The following STK39 variants were observed in gnomAD, a reference collection of about 807,000 sequenced individuals.
STK39 encodes the protein STE20/SPS1-related proline-alanine-rich protein kinase.
A neutral mutation model predicts 77.8 loss-of-function variants in STK39; 20 were observed. The ratio of observed to expected loss-of-function variants is 0.26; its 90% CI spans 0.18 to 0.37. STK39 has a LOEUF of 0.37. Among genes scored for constraint, STK39 ranks in the 10% least tolerant of loss-of-function variants. STK39 has a pLI of 1.00. For missense variants in STK39, 479 were observed against 656.5 expected, an observed-to-expected ratio of 0.73 and a Z score of 2.95; for synonymous variants, 246 against 234.1, an observed-to-expected ratio of 1.05 and a Z score of -0.47.
intron 14 of STK39, among the ~76,000 whole-genome samples, chr2:168,040,410 C>T (rs774002300): frequency 3.9e-5 from 6 of 152,306 alleles, no homozygotes; most frequent in African/African-American, 1.2e-4. Flanking sequence ...TTAGGTAGCT[C>T]TTGCCCTGAG....
At chr2:168,023,769 G>A (rs2105329516) in intron 14 of STK39, among the ~76,000 whole-genome samples, 1 of 152,222 alleles carries the variant, frequency 6.6e-6, no homozygotes, top group South Asian at 2.1e-4. Flanking sequence ...CCACCGCAGG[G>A]ATGCTCTCAA....
chr2:167,983,257 A>C (rs7568119), intron 16 of STK39, among the ~76,000 whole-genome samples: 51,554 of 151,742 alleles, frequency 0.34, 9,475 homozygotes, highest in Non-Finnish European at 0.41. Context: ...AGGCGGGTGG[A>C]TCACCTGAGG....
intron 5 of STK39, among the ~76,000 whole-genome samples, chr2:168,152,521 TAAG>T (rs1688317098): frequency 6.6e-6 from 1 of 152,146 alleles, no homozygotes; most frequent in Admixed American, 6.5e-5. Flanking sequence ...GGCATAGAGT[TAAG>T]AAGTATATTG....
chr2:168,193,992 G>A (rs547368684), intron 1 of STK39, among the ~76,000 whole-genome samples: 1 of 152,366 alleles, frequency 6.6e-6, no homozygotes, highest in African/African-American at 2.4e-5. Flanking sequence ...TGGAAAAGCA[G>A]ATGCCTCGGC....
chr2:168,191,162 C>T (rs74356901), intron 1 of STK39, among the ~76,000 whole-genome samples: 1,929 of 152,270 alleles, frequency 0.013, 37 homozygotes, highest in African/African-American at 0.043. Context: ...GCTATAGGCA[C>T]GTTGGCTTTG....
chr2:168,116,750 C>T (rs1687269937), intron 10 of STK39, among the ~76,000 whole-genome samples: 1 of 152,288 alleles, frequency 6.6e-6, no homozygotes, highest in Non-Finnish European at 1.5e-5. Flanking sequence ...CTTCCTTTCC[C>T]CGTGATGCAT....
chr2:168,242,790 G>A (rs1690802627), intron 1 of STK39, among the ~76,000 whole-genome samples: 1 of 150,678 alleles, frequency 6.6e-6, no homozygotes, highest in Non-Finnish European at 1.5e-5. Context: ...CTACTCAGGA[G>A]GCTGATGTGG....
intron 1 of STK39, among the ~76,000 whole-genome samples, chr2:168,208,344 C>A (rs1262497529): frequency 2.0e-5 from 3 of 152,162 alleles, no homozygotes; most frequent in Non-Finnish European, 4.4e-5. Flanking sequence ...TGGAGGCAGA[C>A]AATGTCCACA....
rs1229505433 is a variant in STK39, at chr2:168,242,559, AAATATATATATATATATAT to A, written c.208+4650_208+4668del. On this transcript the variant is annotated intron_variant, in intron 1 of 17. Transcript: ENST00000355999. ...GCAAGACTCTTACAAAAAAAAAAAA[AAATATATATATATATATAT>A]ATATATATATATATATATAAAGAGG... Among the ~76,000 whole-genome samples the A allele has an allele frequency of 3.1e-3, 169 of 54,198 alleles. 17 individuals carry two copies. Among genetic ancestry groups the A allele is most frequent in the African/African-American group, 0.014 (157 of 11,434 alleles). 35.6% of individuals were successfully genotyped at this position (54,198 alleles called of 152,430 possible). A position where few individuals can be genotyped will look rare whatever the true frequency, so the allele number is the denominator to read the frequency against.
At chr2:168,051,182 C>A (rs79415962) in intron 14 of STK39, among the ~76,000 whole-genome samples, 35 of 152,286 alleles carry the variant, frequency 2.3e-4, no homozygotes, top group African/African-American at 8.4e-4. Context: ...AAGAGACAAC[C>A]TTCCCTAATA....
intron 16 of STK39, among the ~76,000 whole-genome samples, chr2:167,973,601 G>A (rs952819927): frequency 2.6e-5 from 4 of 152,188 alleles, no homozygotes; most frequent in African/African-American, 9.6e-5. Flanking sequence ...AAATGTTGCT[G>A]AGTTACCATT....
chr2:168,001,194 C>A (rs998723681), intron 16 of STK39, among the ~76,000 whole-genome samples: 2 of 147,714 alleles, frequency 1.4e-5, no homozygotes, highest in African/African-American at 2.5e-5. Context: ...AACATTAGCC[C>A]AAGAACAAAA....
intron 1 of STK39, among the ~76,000 whole-genome samples, chr2:168,186,342 G>A (rs193023096): frequency 3.9e-4 from 60 of 152,272 alleles, no homozygotes; most frequent in African/African-American, 1.3e-3. Context: ...ATGGTATTTT[G>A]TTACAACAGC....
chr2:168,039,217 T>C (rs143527792), intron 14 of STK39, among the ~76,000 whole-genome samples: 1 of 152,024 alleles, frequency 6.6e-6, no homozygotes, highest in Non-Finnish European at 1.5e-5. Context: ...AAAATAGATC[T>C]CAAAATAGCT....
chr2:168,184,118 G>C (rs1689148415), intron 1 of STK39, among the ~76,000 whole-genome samples: 1 of 152,158 alleles, frequency 6.6e-6, no homozygotes, highest in Admixed American at 6.5e-5. Context: ...AAACAGGAAA[G>C]AATAAATTAA....
At chr2:168,137,753 A>C (rs1687876469) in intron 8 of STK39, among the ~76,000 whole-genome samples, 1 of 152,260 alleles carries the variant, frequency 6.6e-6, no homozygotes, top group African/African-American at 2.4e-5. Flanking sequence ...CACAGTGAAG[A>C]ATATTAGCTC....
chr2:167,969,741 T>C (rs1272914934), intron 16 of STK39, among the ~76,000 whole-genome samples: 1 of 152,212 alleles, frequency 6.6e-6, no homozygotes, highest in Non-Finnish European at 1.5e-5. Flanking sequence ...TCCAGTAGCC[T>C]GTGGTCTCAC....
In STK39 at chr2:168,140,849, T is replaced by C. The variant is rs570405535; in HGVS notation, c.629-91A>G. The C allele has an allele frequency of 1.6e-4, 170 of 1,054,734 alleles. 3 individuals are homozygous for C. The South Asian group carries it at 2.5e-3, about 16-fold the overall frequency. The allele number at this position is 1,054,734 out of a possible 1,614,324, so 65.3% of individuals were successfully genotyped here. A position where few individuals can be genotyped will look rare whatever the true frequency, so the allele number is the denominator to read the frequency against. ...TTGAGCATGTCTCTTCTTTGTGAGC[T>C]TTACAGTGGTGATGAACTATTCCAA... On this transcript the variant is annotated intron_variant, in intron 5 of 17. Transcript: ENST00000355999.
At chr2:168,089,321 C>G (rs1184468598) in intron 10 of STK39, among the ~76,000 whole-genome samples, 1 of 152,194 alleles carries the variant, frequency 6.6e-6, no homozygotes, top group Non-Finnish European at 1.5e-5. Context: ...ATGAGTTACA[C>G]TGTCAGTCAA....
Sources: allele counts gnomAD v4.1 joint callset (sites outside exome capture counted in the v4.1 genomes callset), GRCh38; gene constraint gnomAD v4.1.1; transcripts MANE v1.5; gene names NCBI Gene and HGNC (gene_info 2026-07-23, HGNC 2026-07-21).